Variants in KLHL29 observed in about 807,000 individuals in gnomAD.
KLHL29 encodes kelch like family member 29.
In KLHL29, 21 loss-of-function variants were observed where a neutral mutation model predicts 80.4. The observed-to-expected ratio is 0.26, with a 90% CI of 0.19 to 0.38. The LOEUF (loss-of-function observed/expected upper bound fraction) is 0.38, where lower values mean the gene tolerates loss of function less well. Ranked by LOEUF, KLHL29 falls within the 10% of genes least tolerant of loss-of-function variation. The probability of loss-of-function intolerance (pLI) is 1.00; values close to 1 mark genes in which losing one functional copy is unlikely to be tolerated. For synonymous variants in KLHL29, 511 were observed against 526.8 expected (o/e 0.97, Z 0.41); for missense variants, 867 against 1,223.9 (o/e 0.71, Z 4.35).
intron 1 of KLHL29, among the ~76,000 whole-genome samples, chr2:23,428,949 G>A (rs1460928632): frequency 6.6e-6 from 1 of 152,214 alleles, no homozygotes. Context: ...GGTTAAGCGA[G>A]GCTGGACTCT....
chr2:23,434,182 G>A (rs965355620), intron 1 of KLHL29, among the ~76,000 whole-genome samples: 2 of 151,956 alleles, frequency 1.3e-5, no homozygotes, highest in African/African-American at 2.4e-5. Flanking sequence ...TTAGCCGGGC[G>A]TGTTGGCGGG....
chr2:23,476,399 C>T (rs1380827581), intron 2 of KLHL29, among the ~76,000 whole-genome samples: 2 of 152,126 alleles, frequency 1.3e-5, no homozygotes, highest in Non-Finnish European at 2.9e-5. Flanking sequence ...ATATAAATGA[C>T]TTATAATCCT....
chr2:23,688,703 A>C (rs1462858421), intron 6 of KLHL29: 3 of 147,598 alleles, frequency 2.0e-5, no homozygotes, highest in East Asian at 2.0e-4. Flanking sequence ...TCTATACCCC[A>C]CCCCCCTGCG....
At chr2:23,543,679 C>A (rs138640497) in intron 2 of KLHL29, among the ~76,000 whole-genome samples, 1 of 152,318 alleles carries the variant, frequency 6.6e-6, no homozygotes, top group South Asian at 2.1e-4. Context: ...GTTTCTGGGA[C>A]GGCTGGAGCT....
intron 3 of KLHL29, among the ~76,000 whole-genome samples, chr2:23,582,183 C>T (rs934376037): frequency 3.9e-5 from 6 of 152,236 alleles, no homozygotes; most frequent in East Asian, 3.9e-4. Flanking sequence ...AAATCTTTCT[C>T]GAATGGAAAA....
At chr2:23,594,408 C>A (rs532334015) in intron 3 of KLHL29, among the ~76,000 whole-genome samples, 2 of 152,164 alleles carry the variant, frequency 1.3e-5, no homozygotes, top group African/African-American at 4.8e-5. Context: ...ACATTTCGTT[C>A]CTCCTGGATT....
rs1558455039 is a variant in KLHL29 at position 23,707,131 on chromosome 2, T to C, written c.*467T>C. On this transcript the variant is annotated 3_prime_UTR_variant, in exon 14 of 14. Transcript: ENST00000486442. ...TTTTTTAACCGATCTACACTTTCAG[T>C]GGCCGACAGAAAACGAGGGACAATA... 1 of 153,078 alleles carries C rather than the reference T, an allele frequency of 6.5e-6. No individual in the cohort carries two copies. The highest frequency in any genetic ancestry group is 1.5e-5 in the Non-Finnish European group (1 of 68,654). 9.5% of individuals were successfully genotyped at this position (153,078 alleles called of 1,614,324 possible).
At chr2:23,542,054 G>A (rs1666854140) in intron 2 of KLHL29, among the ~76,000 whole-genome samples, 1 of 152,218 alleles carries the variant, frequency 6.6e-6, no homozygotes, top group African/African-American at 2.4e-5. Context: ...CATACTGATG[G>A]CCTTGGGAAA....
chr2:23,467,984 C>T (rs1459367977), intron 1 of KLHL29, among the ~76,000 whole-genome samples: 1 of 151,828 alleles, frequency 6.6e-6, no homozygotes, highest in Non-Finnish European at 1.5e-5. Context: ...CAGCCATCCC[C>T]ATGGCACTAT....
In KLHL29 at chr2:23,458,983, G is replaced by C. The variant is rs147471236; in HGVS notation, c.-153-16577G>C. Among the ~76,000 whole-genome samples the C allele has an allele frequency of 8.3e-3, 1,269 of 152,318 alleles. 21 individuals are homozygous for C. The highest frequency in any genetic ancestry group is 8.1e-3 in the Non-Finnish European group (552 of 68,028). On this transcript the variant is annotated intron_variant, in intron 1 of 13. Transcript: ENST00000486442. ...GGGAAGAGCAAGCAAGGATTCAGGA[G>C]AACCAAGTGAAAAGACTATTGCAAG...
chr2:23,527,688 G>T (rs1572379763), intron 2 of KLHL29, among the ~76,000 whole-genome samples: 2 of 152,212 alleles, frequency 1.3e-5, no homozygotes, highest in African/African-American at 2.4e-5. Context: ...CCACGAAATT[G>T]TCCAACAACC....
At chr2:23,456,034 C>T (rs991950093) in intron 1 of KLHL29, among the ~76,000 whole-genome samples, 2 of 152,112 alleles carry the variant, frequency 1.3e-5, no homozygotes, top group Non-Finnish European at 2.9e-5. Flanking sequence ...AGAAGAGGCC[C>T]CAGAAGAAAC....
At position 23,654,838 on chromosome 2, in the gene KLHL29, A is replaced by T. The variant is rs531025066; in HGVS notation, c.940+11988A>T. Among the ~76,000 whole-genome samples the T allele has an allele frequency of 3.9e-5, 6 of 152,342 alleles. No individual in the cohort carries two copies. The South Asian group carries it at 1.0e-3, about 26-fold the overall frequency. The stretch of plus-strand genomic sequence containing the variant: ...CAAGGCCTGGCTTAAGACCCTGCCC[A>T]GGTATAGCTGGTAACGTGAGAGTCA... On this transcript the variant is annotated intron_variant, in intron 5 of 13. Coordinates refer to ENST00000486442, the MANE Select transcript of KLHL29 (RefSeq NM_052920.2).
At position 23,707,461 on chromosome 2, in the gene KLHL29, T is replaced by C. The variant is rs924992332; in HGVS notation, c.*797T>C. The C allele has an allele frequency of 2.0e-5, 3 of 152,176 alleles. No individual in the cohort carries two copies. The highest frequency in any genetic ancestry group is 7.2e-5 in the African/African-American group (3 of 41,422). The allele number at this position is 152,176 out of a possible 1,614,324, so 9.4% of individuals were successfully genotyped here. A position where few individuals can be genotyped will look rare whatever the true frequency, so the allele number is the denominator to read the frequency against. The stretch of plus-strand genomic sequence containing the variant: ...ATAATGTTGTGGGAATTCCCAAAGC[T>C]CTTTGTAGGTAGTGCCAGAGGGGGG... On this transcript the variant is annotated 3_prime_UTR_variant, in exon 14 of 14. Coordinates refer to ENST00000486442, the MANE Select transcript of KLHL29 (RefSeq NM_052920.2).
chr2:23,403,950 C>T (rs1666663121), intron 1 of KLHL29, among the ~76,000 whole-genome samples: 1 of 152,140 alleles, frequency 6.6e-6, no homozygotes, highest in Non-Finnish European at 1.5e-5. Context: ...TGCATCCTTT[C>T]TCAGGAGCAA....
intron 1 of KLHL29, among the ~76,000 whole-genome samples, chr2:23,441,341 AG>A (rs1663514862): frequency 1.5e-5 from 1 of 67,484 alleles, no homozygotes; most frequent in African/African-American, 6.0e-5. Flanking sequence ...GGGTGGGGGG[AG>A]GGGGGAGGGA....
intron 5 of KLHL29, among the ~76,000 whole-genome samples, chr2:23,655,331 G>C (rs769287198): frequency 6.6e-6 from 1 of 152,204 alleles, no homozygotes; most frequent in Non-Finnish European, 1.5e-5. Flanking sequence ...GTGCAAAGAT[G>C]ATACATCTTT....
intron 5 of KLHL29, among the ~76,000 whole-genome samples, chr2:23,674,913 C>G (rs933475621): frequency 6.6e-6 from 1 of 152,146 alleles, no homozygotes; most frequent in African/African-American, 2.4e-5. Flanking sequence ...TGGCCCTCAC[C>G]TGGCCCTCCC....
intron 1 of KLHL29, among the ~76,000 whole-genome samples, chr2:23,397,798 A>C (rs867030549): frequency 8.5e-5 from 13 of 152,260 alleles, no homozygotes; most frequent in Non-Finnish European, 1.8e-4. Flanking sequence ...AAATGGGCAA[A>C]GGACTTGAAT....
Sources: allele counts gnomAD v4.1 joint callset (sites outside exome capture counted in the v4.1 genomes callset), GRCh38; gene constraint gnomAD v4.1.1; transcripts MANE v1.5; gene names NCBI Gene and HGNC (gene_info 2026-07-23, HGNC 2026-07-21).